Variants in MAGEB10 observed in about 807,000 individuals in gnomAD.
The protein encoded by MAGEB10 is melanoma-associated antigen B10.
For missense variants in MAGEB10, 190 were observed against 261.9 expected, an observed-to-expected ratio of 0.73 and a Z score of 1.89; for synonymous variants, 99 against 101.0, an observed-to-expected ratio of 0.98 and a Z score of 0.12.
intron 2 of MAGEB10, among the ~76,000 whole-genome samples, chrX:27,817,967 A>G (rs1923811062): frequency 1.8e-5 from 2 of 110,957 alleles, no homozygotes; most frequent in Non-Finnish European, 3.8e-5. Context: ...CGGGGTAGTC[A>G]GGGATCTGTA....
intron 1 of MAGEB10, among the ~76,000 whole-genome samples, chrX:27,811,023 T>C (rs1456997890): frequency 1.0e-5 from 1 of 96,964 alleles, no homozygotes; most frequent in Non-Finnish European, 2.0e-5. Flanking sequence ...GGATATCAAG[T>C]GGAAGAGGGC....
chrX:27,812,652 C>G (rs1923714438), intron 1 of MAGEB10: 1 of 310,139 alleles, frequency 3.2e-6, no homozygotes. Flanking sequence ...AGAGCAGTAC[C>G]TGGAGTATTG....
At position 27,821,908 on chromosome X, in the gene MAGEB10, C is replaced by A; in HGVS notation, c.602C>A (p.Thr201Asn). Residue 201 changes from threonine to asparagine, a missense_variant, in exon 3 of 3, where the codon ACT becomes AAT. Transcript: ENST00000356790. The stretch of plus-strand genomic sequence containing the variant: ...AGTGATGAAACAGGCGTGCCCAAGA[C>A]TGGCCTGCTGATGACTGTCCTGGGT... ...KLSDETGVPK[T>N]GLLMTVLGII... The A allele has an allele frequency of 8.3e-7, 1 of 1,211,902 alleles. No homozygotes were observed. Among genetic ancestry groups the A allele is most frequent in the Non-Finnish European group, 1.1e-6 (1 of 895,621 alleles).
At position 27,822,320 on chromosome X, in the gene MAGEB10, T is replaced by C. The variant is rs779403172; in HGVS notation, c.1014T>C (p.Val338=). The C allele has an allele frequency of 8.3e-7, 1 of 1,208,698 alleles. No individual in the cohort carries two copies. Among genetic ancestry groups the C allele is most frequent in the Non-Finnish European group, 1.1e-6 (1 of 894,106 alleles). The change falls in exon 3 of 3, where the codon GTT becomes GTC. Residue 338 remains valine (V), a synonymous_variant. Coordinates refer to ENST00000356790, the MANE Select transcript of MAGEB10 (RefSeq NM_182506.3). ...VSATAGARSK[V]KSSKSSQLQ is the part of the protein sequence containing the mutation. ...CCACAGCCGGTGCACGTTCCAAGGT[T>C]AAGTCCAGCAAGTCCTCCCAACTGC... is the stretch of plus-strand genomic sequence containing the variant.
chrX:27,813,277 G>A (rs926527502), intron 1 of MAGEB10, among the ~76,000 whole-genome samples: 26 of 111,373 alleles, frequency 2.3e-4, no homozygotes, highest in Non-Finnish European at 4.9e-4. Context: ...AAATAGTTGG[G>A]ATGAAGAAAT....
At chrX:27,819,980 C>G (rs1284540214) in intron 2 of MAGEB10, among the ~76,000 whole-genome samples, 1 of 110,594 alleles carries the variant, frequency 9.0e-6, no homozygotes, top group East Asian at 2.9e-4. Context: ...TGGTAGCCAA[C>G]CTTGGGCAAA....
chrX:27,810,236 A>G (rs939627464), intron 1 of MAGEB10, among the ~76,000 whole-genome samples: 1 of 111,679 alleles, frequency 9.0e-6, no homozygotes, highest in African/African-American at 3.3e-5. Context: ...TGCCTTTATG[A>G]GCTGTAACAC....
intron 1 of MAGEB10, among the ~76,000 whole-genome samples, chrX:27,815,435 G>T (rs756801840): frequency 2.5e-4 from 28 of 111,948 alleles, no homozygotes; most frequent in African/African-American, 7.5e-4. Context: ...TTCCAAGTCT[G>T]CCTGTGAGTC....
intron 1 of MAGEB10, among the ~76,000 whole-genome samples, chrX:27,816,198 G>A (rs769558812): frequency 1.5e-3 from 170 of 110,523 alleles, no homozygotes; most frequent in Non-Finnish European, 2.8e-3. Context: ...GCCCATGTAG[G>A]CAATCCAGTG....
chrX:27,818,530 A>G (rs1162030505), intron 2 of MAGEB10, among the ~76,000 whole-genome samples: 1 of 112,140 alleles, frequency 8.9e-6, no homozygotes, highest in African/African-American at 3.2e-5. Context: ...TAAAAGGCTG[A>G]GCGTGCATAT....
chrX:27,822,162 A>T lies in MAGEB10; in HGVS notation c.856A>T (p.Met286Leu). 8.3e-7 allele frequency: 1 copy of T among 1,212,015 alleles called. No homozygotes were observed. The highest frequency in any genetic ancestry group is 1.1e-6 in the Non-Finnish European group (1 of 895,584). ...GPRAHAETSKMKVLEFLAKVN... is the reference protein window; with the variant it reads ...GPRAHAETSKLKVLEFLAKVN... ...AAGAGCCCATGCTGAAACCAGCAAGATGAAAGTTCTTGAGTTTTTGGCCAA... is the reference window on the plus strand; with the variant it reads ...AAGAGCCCATGCTGAAACCAGCAAGTTGAAAGTTCTTGAGTTTTTGGCCAA... The change falls in exon 3 of 3, where the codon ATG becomes TTG. Residue 286 changes from methionine to leucine, a missense_variant. Transcript: ENST00000356790.
At chrX:27,809,430 G>A (rs1176408157) in intron 1 of MAGEB10, among the ~76,000 whole-genome samples, 1 of 7,534 alleles carries the variant, frequency 1.3e-4, no homozygotes, top group African/African-American at 7.0e-4. Context: ...CCCCAACCCC[G>A]CCAGCCCCCC....
At chrX:27,817,518 C>T (rs986594018) in intron 1 of MAGEB10, 36 bp from the exon 2 acceptor site, 2 of 110,071 alleles carry the variant, frequency 1.8e-5, no homozygotes, top group African/African-American at 6.6e-5. Context: ...GCTCCTTTTT[C>T]TTCTTAATTT....
chrX:27,810,615 A>G (rs1242904487), intron 1 of MAGEB10, among the ~76,000 whole-genome samples: 1 of 111,256 alleles, frequency 9.0e-6, no homozygotes, highest in African/African-American at 3.3e-5. Context: ...GGGGAAGGGT[A>G]CAAACTAAGG....
At chrX:27,811,346 T>C (rs1923678630) in intron 1 of MAGEB10, among the ~76,000 whole-genome samples, 1 of 110,785 alleles carries the variant, frequency 9.0e-6, no homozygotes, top group African/African-American at 3.3e-5. Context: ...TACCTCAAGA[T>C]AAAGAGGGTC....
chrX:27,814,065 A>G (rs1436997107), intron 1 of MAGEB10, among the ~76,000 whole-genome samples: 1 of 111,354 alleles, frequency 9.0e-6, no homozygotes, highest in Non-Finnish European at 1.9e-5. Flanking sequence ...AACCCACTTA[A>G]TTAAAAGGGC....
chrX:27,809,688 G>A (rs1419798710), intron 1 of MAGEB10, among the ~76,000 whole-genome samples: 102 of 89,906 alleles, frequency 1.1e-3, no homozygotes, highest in Non-Finnish European at 1.9e-3. Flanking sequence ...CGCATGGCGC[G>A]GGACTGGCAG....
chrX:27,809,678 C>T (rs1363569300), intron 1 of MAGEB10, among the ~76,000 whole-genome samples: 2 of 87,627 alleles, frequency 2.3e-5, no homozygotes, highest in Admixed American at 1.3e-4. Flanking sequence ...GGACTGCGGG[C>T]GCATGGCGCG....
intron 1 of MAGEB10, chrX:27,812,595 G>A (rs1009232758): frequency 1.6e-4 from 31 of 192,226 alleles, no homozygotes; most frequent in African/African-American, 8.4e-4. Flanking sequence ...ACAGGAGCAC[G>A]TCATCTATGG....
Sources: allele counts gnomAD v4.1 joint callset (sites outside exome capture counted in the v4.1 genomes callset), GRCh38; gene constraint gnomAD v4.1.1; transcripts MANE v1.5; gene names NCBI Gene and HGNC (gene_info 2026-07-23, HGNC 2026-07-21).